The following BNC2 variants were observed in gnomAD, a reference collection of about 807,000 sequenced individuals.
The protein encoded by BNC2 is basonuclin zinc finger protein 2, also known as zinc finger protein basonuclin-2.
Under a neutral mutation model 76.3 loss-of-function variants are expected in BNC2, and 20 were observed. That is an observed-to-expected ratio of 0.26 (90% CI 0.18 to 0.38). BNC2 has a LOEUF of 0.38. Among genes scored for constraint, BNC2 ranks in the 10% least tolerant of loss-of-function variants. BNC2 has a pLI of 1.00. For missense variants in BNC2, 1,382 were observed against 1,399.8 expected (o/e 0.99, Z 0.20); for synonymous variants, 582 against 514.8 (o/e 1.13, Z -1.77).
intron 5 of BNC2, among the ~76,000 whole-genome samples, chr9:16,459,887 G>A (rs1821537405): frequency 6.6e-6 from 1 of 152,146 alleles, no homozygotes; most frequent in African/African-American, 2.4e-5. Context: ...GGCCACAGCT[G>A]CCAGCTACAT....
chr9:16,600,653 A>G (rs556550610), intron 3 of BNC2, among the ~76,000 whole-genome samples: 10 of 152,254 alleles, frequency 6.6e-5, no homozygotes, highest in African/African-American at 2.4e-4. Flanking sequence ...TTTGTGTTTC[A>G]ATTAGTTAAA....
intron 2 of BNC2, among the ~76,000 whole-genome samples, chr9:16,731,934 T>A (rs1366848981): frequency 6.6e-6 from 1 of 152,124 alleles, no homozygotes; most frequent in East Asian, 1.9e-4. Context: ...ACTGTGCATG[T>A]ACCCTCAATG....
chr9:16,460,110 C>T (rs929339082), intron 5 of BNC2, among the ~76,000 whole-genome samples: 1 of 151,918 alleles, frequency 6.6e-6, no homozygotes. Flanking sequence ...TATCAAAGTA[C>T]CAACTTTAAG....
intron 1 of BNC2, among the ~76,000 whole-genome samples, chr9:16,770,294 T>C (rs1815354156): frequency 6.6e-6 from 1 of 152,182 alleles, no homozygotes; most frequent in Non-Finnish European, 1.5e-5. Flanking sequence ...GATTGTGCTC[T>C]TTCTATTCAG....
At chr9:16,845,439 T>C (rs1022013336) in intron 1 of BNC2, among the ~76,000 whole-genome samples, 2 of 152,292 alleles carry the variant, frequency 1.3e-5, no homozygotes, top group Middle Eastern at 3.4e-3. Context: ...ATAGGAAAAT[T>C]GGCCGGGCGC....
chr9:16,724,829 G>C (rs1824263681), intron 3 of BNC2, among the ~76,000 whole-genome samples: 1 of 151,962 alleles, frequency 6.6e-6, no homozygotes, highest in African/African-American at 2.4e-5. Flanking sequence ...TTTCTCTATA[G>C]TTAAATACTG....
chr9:16,590,059 G>C (rs1227082469), intron 3 of BNC2, among the ~76,000 whole-genome samples: 2 of 151,946 alleles, frequency 1.3e-5, no homozygotes, highest in African/African-American at 2.4e-5. Context: ...AGGAGTTCGA[G>C]ACCAGCCTGG....
rs1452532255 is a variant in BNC2 at position 16,436,370 on chromosome 9, G to C, written c.1824C>G (p.Pro608=). Residue 608 remains proline (P), a synonymous_variant, in exon 6 of 7, where the codon CCC becomes CCG. Transcript: ENST00000380672. ...TCACTGCTGGCACTACTGGCTCAGAGGGTGGCGGGGGGTGCTGCTCTATGG... is the reference window on the plus strand; with the variant it reads ...TCACTGCTGGCACTACTGGCTCAGACGGTGGCGGGGGGTGCTGCTCTATGG... ...SGTIEQHPPP[P]SEPVVPAVMM... The C allele has an allele frequency of 2.5e-6, 4 of 1,614,038 alleles. No individual in the cohort carries two copies. Among genetic ancestry groups the C allele is most frequent in the Non-Finnish European group, 2.5e-6 (3 of 1,180,044 alleles).
intron 1 of BNC2, among the ~76,000 whole-genome samples, chr9:16,742,743 A>G (rs1824887953): frequency 6.6e-6 from 1 of 152,218 alleles, no homozygotes; most frequent in African/African-American, 2.4e-5. Context: ...AGGTCTCCCT[A>G]CAGTATATTA....
In BNC2 at chr9:16,774,400, G is replaced by T. The variant is rs534797454; in HGVS notation, c.4-35915C>A. Among the ~76,000 whole-genome samples the T allele has an allele frequency of 3.9e-5, 6 of 152,280 alleles. No individual in the cohort carries two copies. In the East Asian group the frequency reaches 1.2e-3, roughly 29 times the overall value. On this transcript the variant is annotated intron_variant, in intron 1 of 6. Transcript: ENST00000380672. Reference sequence around the variant, plus strand: ...ACCAAATGCATCCAATGACAGTTTCGATTCCATTTAAAAATTTCTGTAACC... The same window carrying T: ...ACCAAATGCATCCAATGACAGTTTCTATTCCATTTAAAAATTTCTGTAACC...
chr9:16,587,059 T>C (rs1819792753), intron 3 of BNC2, among the ~76,000 whole-genome samples: 1 of 152,190 alleles, frequency 6.6e-6, no homozygotes, highest in Non-Finnish European at 1.5e-5. Flanking sequence ...GAAAATAGCA[T>C]AAAGTTGTTA....
At chr9:16,809,079 G>C (rs1222396694) in intron 1 of BNC2, among the ~76,000 whole-genome samples, 1 of 152,148 alleles carries the variant, frequency 6.6e-6, no homozygotes, top group East Asian at 1.9e-4. Context: ...TTAGATACCA[G>C]AATTGTTTCA....
intron 4 of BNC2, among the ~76,000 whole-genome samples, chr9:16,580,302 G>C (rs532820621): frequency 1.3e-4 from 20 of 152,244 alleles, no homozygotes; most frequent in African/African-American, 4.8e-4. Context: ...TCACATGCTT[G>C]GGTGTATGCA....
At chr9:16,630,470 T>C (rs565483757) in intron 3 of BNC2, among the ~76,000 whole-genome samples, 25 of 152,326 alleles carry the variant, frequency 1.6e-4, no homozygotes, top group African/African-American at 5.8e-4. Flanking sequence ...TGGTCCTCTA[T>C]TTTTAAAATG....
chr9:16,429,623 T>C (rs113559235), intron 6 of BNC2: 1 of 205,788 alleles, frequency 4.9e-6, no homozygotes, highest in East Asian at 1.2e-4. Context: ...ATTGTTCCTT[T>C]ATAAGGAAGG....
intron 2 of BNC2, among the ~76,000 whole-genome samples, chr9:16,729,477 G>A (rs543863723): frequency 2.6e-5 from 4 of 152,204 alleles, no homozygotes; most frequent in East Asian, 3.9e-4. Flanking sequence ...ATGAGAAAAC[G>A]TACACTATGT....
At chr9:16,843,833 T>A (rs1425068621) in intron 1 of BNC2, among the ~76,000 whole-genome samples, 1 of 152,224 alleles carries the variant, frequency 6.6e-6, no homozygotes, top group Non-Finnish European at 1.5e-5. Flanking sequence ...AGAATTCATG[T>A]TAGAATTCAA....
At chr9:16,821,190 G>A (rs1464549599) in intron 1 of BNC2, among the ~76,000 whole-genome samples, 2 of 149,062 alleles carry the variant, frequency 1.3e-5, no homozygotes, top group African/African-American at 2.5e-5. Flanking sequence ...CCAAGATCAC[G>A]CCATTGCAAT....
At chr9:16,745,494 G>A (rs925442331) in intron 1 of BNC2, among the ~76,000 whole-genome samples, 5 of 152,182 alleles carry the variant, frequency 3.3e-5, no homozygotes, top group African/African-American at 1.2e-4. Flanking sequence ...CAAGGGAGGA[G>A]TAGAAACTAC....
Sources: allele counts gnomAD v4.1 joint callset (sites outside exome capture counted in the v4.1 genomes callset), GRCh38; gene constraint gnomAD v4.1.1; transcripts MANE v1.5; gene names NCBI Gene and HGNC (gene_info 2026-07-23, HGNC 2026-07-21).